Variants in GPC6 observed in about 807,000 individuals in gnomAD.
The protein encoded by GPC6 is glypican 6.
Under a neutral mutation model 55.2 loss-of-function variants are expected in GPC6, and 14 were observed. The ratio of observed to expected loss-of-function variants is 0.25; its 90% CI spans 0.17 to 0.40. The LOEUF is 0.40. Among genes scored for constraint, GPC6 ranks in the 10% least tolerant of loss-of-function variants. GPC6 has a pLI of 1.00. For synonymous variants in GPC6, 278 were observed against 259.6 expected, an observed-to-expected ratio of 1.07 and a Z score of -0.68; for missense variants, 641 against 708.5, an observed-to-expected ratio of 0.90 and a Z score of 1.08.
intron 1 of GPC6, among the ~76,000 whole-genome samples, chr13:93,342,051 A>G (rs191323956): frequency 1.7e-4 from 25 of 151,392 alleles, no homozygotes; most frequent in Admixed American, 5.9e-4. Context: ...TTGTATTTTT[A>G]GTAGAGACAG....
chr13:93,735,817 C>G (rs1159413468), intron 2 of GPC6, among the ~76,000 whole-genome samples: 1 of 152,126 alleles, frequency 6.6e-6, no homozygotes, highest in East Asian at 1.9e-4. Context: ...TACTATTTGT[C>G]TGGAGGATCT....
intron 4 of GPC6, among the ~76,000 whole-genome samples, chr13:94,177,623 A>G (rs1416810178): frequency 1.3e-5 from 2 of 152,220 alleles, no homozygotes; most frequent in African/African-American, 4.8e-5. Context: ...GTGATGCCTG[A>G]TAAAGATGAA....
upstream of GPC6, among the ~76,000 whole-genome samples, chr13:93,222,873 G>T (rs1875658814): frequency 6.6e-6 from 1 of 152,156 alleles, no homozygotes; most frequent in Non-Finnish European, 1.5e-5. Flanking sequence ...ACTCAAATAG[G>T]AACTCAAGGT....
At position 93,790,106 on chromosome 13, in the gene GPC6, C is replaced by T. The variant is rs144980966; in HGVS notation, c.320-40048C>T. On this transcript the variant is annotated intron_variant, in intron 2 of 8. Transcript: ENST00000377047. ...ACAGAATGTCAGTTAATGAAGGTGGCGTTACCATATTGAGTCTATCACTGG... is the reference window on the plus strand; with the variant it reads ...ACAGAATGTCAGTTAATGAAGGTGGTGTTACCATATTGAGTCTATCACTGG... 7.9e-3 allele frequency among the ~76,000 whole-genome samples: 1,207 copies of T among 152,174 alleles called. 67 individuals are homozygous for T. Among genetic ancestry groups the T allele is most frequent in the Admixed American group, 0.075 (1,138 of 15,268 alleles).
At chr13:93,992,559 A>G (rs1407442411) in intron 3 of GPC6, among the ~76,000 whole-genome samples, 1 of 152,164 alleles carries the variant, frequency 6.6e-6, no homozygotes, top group African/African-American at 2.4e-5. Context: ...CTTTTATTTT[A>G]GACCAATGGT....
chr13:94,398,690 T>G (rs773755355), intron 8 of GPC6, 49 bp downstream of exon 8: 82 of 1,512,682 alleles, frequency 5.4e-5, no homozygotes, highest in Non-Finnish European at 7.5e-5. Flanking sequence ...AAAAAATGGT[T>G]TTAGAAGATG....
chr13:93,917,740 T>C (rs932793640), intron 3 of GPC6, among the ~76,000 whole-genome samples: 7 of 152,206 alleles, frequency 4.6e-5, no homozygotes, highest in Non-Finnish European at 8.8e-5. Context: ...CCCAGCCACA[T>C]GAGAACCCTG....
At chr13:93,324,573 C>CACACATACATACATATATATATAT (rs1447842863) in intron 1 of GPC6, among the ~76,000 whole-genome samples, 1,549 of 104,760 alleles carry the variant, frequency 0.015, 37 homozygotes, top group African/African-American at 0.059. Flanking sequence ...TATATATATA[C>CACACATACATACATATATATATAT]ACACACATAC....
chr13:94,220,823 A>G (rs1890361613), intron 4 of GPC6, among the ~76,000 whole-genome samples: 1 of 152,102 alleles, frequency 6.6e-6, no homozygotes, highest in Non-Finnish European at 1.5e-5. Flanking sequence ...TTGGGGGCCC[A>G]TAATACCCTA....
intron 6 of GPC6, among the ~76,000 whole-genome samples, chr13:94,354,834 G>T (rs73551892): frequency 0.011 from 1,608 of 152,358 alleles, 38 homozygotes; most frequent in African/African-American, 0.036. Context: ...GTTTCATTCA[G>T]CCCATGCTGT....
intron 3 of GPC6, among the ~76,000 whole-genome samples, chr13:93,855,329 G>C (rs971006841): frequency 1.3e-5 from 2 of 151,640 alleles, no homozygotes; most frequent in Non-Finnish European, 3.0e-5. Context: ...TGTTTGTGAG[G>C]TTTCTCCGTG....
intron 2 of GPC6, among the ~76,000 whole-genome samples, chr13:93,779,485 C>T (rs911202610): frequency 2.6e-5 from 4 of 152,186 alleles, no homozygotes; most frequent in East Asian, 1.9e-4. Context: ...TATCTATGGA[C>T]CATTAGAGTA....
chr13:94,402,668 G>A (rs1050642699), intron 8 of GPC6, among the ~76,000 whole-genome samples: 2 of 152,184 alleles, frequency 1.3e-5, no homozygotes, highest in African/African-American at 2.4e-5. Flanking sequence ...AAGGAAAGTG[G>A]TTAATTAACT....
chr13:93,884,759 A>G (rs1227109291), intron 3 of GPC6, among the ~76,000 whole-genome samples: 1 of 152,106 alleles, frequency 6.6e-6, no homozygotes, highest in African/African-American at 2.4e-5. Context: ...TTCAGTGTTC[A>G]ATGCTAAATT....
chr13:94,334,479 G>A (rs1415938108), intron 6 of GPC6, among the ~76,000 whole-genome samples: 2 of 152,216 alleles, frequency 1.3e-5, no homozygotes, highest in African/African-American at 4.8e-5. Flanking sequence ...AAATTCTAGT[G>A]TAAAAGTAAG....
chr13:93,389,063 G>C (rs1215214856), intron 1 of GPC6, among the ~76,000 whole-genome samples: 1 of 152,092 alleles, frequency 6.6e-6, no homozygotes, highest in East Asian at 1.9e-4. Flanking sequence ...TTCTTACTTG[G>C]TGTAATGATG....
chr13:93,764,632 AC>A (rs1885057285), intron 2 of GPC6, among the ~76,000 whole-genome samples: 2 of 151,796 alleles, frequency 1.3e-5, no homozygotes, highest in South Asian at 4.2e-4. Flanking sequence ...CACAAAGGCC[AC>A]CTATAACCAT....
At chr13:93,989,730 T>C (rs1307097229) in intron 3 of GPC6, among the ~76,000 whole-genome samples, 1 of 152,090 alleles carries the variant, frequency 6.6e-6, no homozygotes, top group Non-Finnish European at 1.5e-5. Context: ...TGGTCGTTCT[T>C]TAGGCTGTAT....
intron 2 of GPC6, among the ~76,000 whole-genome samples, chr13:93,642,452 A>G (rs966534176): frequency 6.6e-6 from 1 of 152,030 alleles, no homozygotes; most frequent in Admixed American, 6.6e-5. Flanking sequence ...TGCAATGAAC[A>G]TATGTGTGTG....
Sources: allele counts gnomAD v4.1 joint callset (sites outside exome capture counted in the v4.1 genomes callset), GRCh38; gene constraint gnomAD v4.1.1; transcripts MANE v1.5; gene names NCBI Gene and HGNC (gene_info 2026-07-23, HGNC 2026-07-21).